SMG6: variants seen among roughly 807,000 people sequenced by gnomAD.
SMG6 encodes the protein SMG6 nonsense mediated mRNA decay factor.
SMG6 carries 66 observed loss-of-function variants against 142.2 expected under a neutral mutation model. The observed-to-expected ratio is 0.46, with a 90% CI of 0.38 to 0.57. SMG6 has a LOEUF of 0.57. SMG6 is among the 20% of genes least tolerant of loss of function. The pLI, the probability that SMG6 is intolerant of heterozygous loss-of-function variation, is 0.00. For missense variants in SMG6, 1,793 were observed against 1,832.0 expected (o/e 0.98, Z 0.39); for synonymous variants, 779 against 702.4 (o/e 1.11, Z -1.72).
At chr17:2,163,976 C>A (rs1451336691) in intron 13 of SMG6, among the ~76,000 whole-genome samples, 1 of 151,210 alleles carries the variant, frequency 6.6e-6, no homozygotes, top group Non-Finnish European at 1.5e-5. Flanking sequence ...GCAGGAGAAT[C>A]GCTTGAACCA....
chr17:2,208,036 G>A (rs1051220619), intron 10 of SMG6, among the ~76,000 whole-genome samples: 1 of 152,172 alleles, frequency 6.6e-6, no homozygotes, highest in Non-Finnish European at 1.5e-5. Context: ...GGTCGAGGTG[G>A]GAGGATGGCT....
rs768812031 is a variant in SMG6 at position 2,300,295 on chromosome 17, T to C, written c.458A>G (p.Gln153Arg). Residue 153 changes from glutamine to arginine, a missense_variant, in exon 2 of 19, where the codon CAG becomes CGG. By Grantham distance (43) the Gln-to-Arg change is conservative. Transcript: ENST00000263073. ...ACTGGCGGATTCTTTGCTAACAGTC[T>C]GCAAACGTCGTCCAGGCTGATAGAT... is the stretch of plus-strand genomic sequence containing the variant. ...LQIYQPGRRL[Q>R]TVSKESASRV... 15 of 1,614,132 alleles carry C rather than the reference T, an allele frequency of 9.3e-6. No individual in the cohort carries two copies. Among genetic ancestry groups the C allele is most frequent in the Non-Finnish European group, 1.1e-5 (13 of 1,180,040 alleles).
intron 6 of SMG6, among the ~76,000 whole-genome samples, chr17:2,291,987 G>C (rs1204880908): frequency 6.6e-6 from 1 of 152,060 alleles, no homozygotes; most frequent in African/African-American, 2.4e-5. Context: ...CTCCCTAGGA[G>C]CTGTCTCAGC....
At chr17:2,236,723 ACAC>A (rs2073670122) in intron 9 of SMG6, 86 bp from the exon 10 acceptor site, 1 of 1,315,498 alleles carries the variant, frequency 7.6e-7, no homozygotes, top group African/African-American at 1.5e-5. Context: ...ACACACACAC[ACAC>A]ACACACACAC....
chr17:2,163,012 T>C (rs1032617885), intron 13 of SMG6, among the ~76,000 whole-genome samples: 2 of 151,968 alleles, frequency 1.3e-5, no homozygotes, highest in African/African-American at 4.8e-5. Flanking sequence ...TTTAATTTTT[T>C]ATAGAGACAA....
chr17:2,243,097 A>G (rs1371230420), intron 9 of SMG6, among the ~76,000 whole-genome samples: 5 of 152,092 alleles, frequency 3.3e-5, no homozygotes, highest in Non-Finnish European at 7.4e-5. Flanking sequence ...TGATGCATCT[A>G]GTTTACTTTG....
chr17:2,104,569 T>C (rs1395008861), intron 13 of SMG6, among the ~76,000 whole-genome samples: 1 of 150,058 alleles, frequency 6.7e-6, no homozygotes, highest in East Asian at 1.9e-4. Flanking sequence ...AGGTTCAGGG[T>C]AGTGGCAGGT....
At chr17:2,133,733 G>A (rs895165167) in intron 13 of SMG6, among the ~76,000 whole-genome samples, 1 of 152,204 alleles carries the variant, frequency 6.6e-6, no homozygotes. Flanking sequence ...CCAGCCAGGT[G>A]ACCATATTTT....
At chr17:2,185,640 A>G (rs971370754) in intron 12 of SMG6, among the ~76,000 whole-genome samples, 2 of 152,182 alleles carry the variant, frequency 1.3e-5, no homozygotes, top group African/African-American at 4.8e-5. Context: ...GAGAGATGCC[A>G]GACTGACACA....
In SMG6 at chr17:2,297,358, A is replaced by G. The variant is rs2075165572; in HGVS notation, c.2041-5T>C. 6.3e-7 allele frequency: 1 copy of G among 1,581,162 alleles called. No individual in the cohort carries two copies. On this transcript the variant is annotated splice_polypyrimidine_tract_variant and splice_region_variant and intron_variant, in intron 3 of 18. Coordinates refer to ENST00000263073, the MANE Select transcript of SMG6 (RefSeq NM_017575.5). ...ACTATCAAAGAAGTCACTACCCTAT[A>G]AAAAGAAAAAAAGAAATGACTGAAT...
chr17:2,185,559 C>A (rs967070367), intron 12 of SMG6, among the ~76,000 whole-genome samples: 21 of 61,356 alleles, frequency 3.4e-4, no homozygotes, highest in African/African-American at 2.1e-3. Flanking sequence ...TACACCCAGA[C>A]AGACACACAG....
Position 2,299,058 on chromosome 17 carries a change from ACTCAT to A in SMG6, c.1690_1694del (p.Met564SerfsTer24), listed in dbSNP as rs767111509. On this transcript the variant is annotated frameshift_variant, in exon 2 of 19. Transcript: ENST00000263073. LOFTEE classifies it high-confidence loss of function. The surrounding 1 kb of genome is among the most constrained non-coding windows in gnomAD (Gnocchi z 4.3). ...TCATGTGCTGCTCTACCTCCTCGGG[ACTCAT>A]GGTGCTGGTAGGTAGAGGGCTACAC... 1 of 1,613,822 alleles carries A rather than the reference ACTCAT, an allele frequency of 6.2e-7. No homozygotes were observed. Among genetic ancestry groups the A allele is most frequent in the Non-Finnish European group, 8.5e-7 (1 of 1,179,962 alleles).
At chr17:2,072,636 A>G (rs1039269118) in intron 15 of SMG6, among the ~76,000 whole-genome samples, 1 of 152,198 alleles carries the variant, frequency 6.6e-6, no homozygotes, top group African/African-American at 2.4e-5. Context: ...ACTGAACATT[A>G]CAAGTAACAG....
At chr17:2,276,214 T>C (rs979932548) in intron 8 of SMG6, among the ~76,000 whole-genome samples, 2 of 152,220 alleles carry the variant, frequency 1.3e-5, no homozygotes, top group Non-Finnish European at 2.9e-5. Flanking sequence ...ATGTGTGATT[T>C]TGTTTACAAG....
chr17:2,265,884 T>C (rs1395177406), intron 8 of SMG6: 2 of 594,674 alleles, frequency 3.4e-6, no homozygotes, highest in Non-Finnish European at 2.1e-6. Context: ...ATAATGCATA[T>C]GACAATCTTA....
intron 12 of SMG6, among the ~76,000 whole-genome samples, chr17:2,182,856 G>A (rs1485744597): frequency 6.6e-6 from 1 of 151,956 alleles, no homozygotes; most frequent in Non-Finnish European, 1.5e-5. Flanking sequence ...AGAGAATGTG[G>A]GGTAGGGGAA....
At position 2,068,962 on chromosome 17, in the gene SMG6, C is replaced by T. The variant is rs2068024092; in HGVS notation, c.3682-31G>A. ...GGGACAGAGTGGTGAATGAGCCAGACAGCGAGCAGGCAAGCAGGTGGGTGA... is the reference window on the plus strand; with the variant it reads ...GGGACAGAGTGGTGAATGAGCCAGATAGCGAGCAGGCAAGCAGGTGGGTGA... On this transcript the variant is annotated intron_variant, in intron 15 of 18. Transcript: ENST00000263073. This position sits in a 1 kb window ranked among gnomAD's most constrained non-coding sequence, Gnocchi z 6.7. The T allele has an allele frequency of 6.2e-7, 1 of 1,609,588 alleles. No homozygotes were observed.
intron 13 of SMG6, among the ~76,000 whole-genome samples, chr17:2,141,679 G>A (rs1162098410): frequency 2.6e-5 from 4 of 152,340 alleles, no homozygotes; most frequent in African/African-American, 7.2e-5. Flanking sequence ...CTGGGCTCAA[G>A]TGCTCCTCCT....
chr17:2,248,372 T>A (rs1207902510), intron 8 of SMG6, among the ~76,000 whole-genome samples: 1 of 152,144 alleles, frequency 6.6e-6, no homozygotes, highest in Non-Finnish European at 1.5e-5. Context: ...GCTTTTAAGT[T>A]TTCCTTCCTG....
Sources: allele counts gnomAD v4.1 joint callset (sites outside exome capture counted in the v4.1 genomes callset), GRCh38; gene constraint gnomAD v4.1.1; non-coding constraint Gnocchi (gnomAD v3.1); transcripts MANE v1.5; gene names NCBI Gene and HGNC (gene_info 2026-07-23, HGNC 2026-07-21).